AMMECR1: variants seen among roughly 807,000 people sequenced by gnomAD.
AMMECR1 encodes the protein AMMECR nuclear protein 1.
In AMMECR1, 3 loss-of-function variants were observed where a neutral mutation model predicts 22.5. The ratio of observed to expected loss-of-function variants is 0.13; its 90% CI spans 0.06 to 0.35. The LOEUF is 0.35. AMMECR1 is among the 10% of genes least tolerant of loss of function. The probability of loss-of-function intolerance (pLI) is 1.00; values close to 1 mark genes in which losing one functional copy is unlikely to be tolerated. For synonymous variants in AMMECR1, 130 were observed against 116.7 expected, an observed-to-expected ratio of 1.11 and a Z score of -0.74; for missense variants, 235 against 278.7, an observed-to-expected ratio of 0.84 and a Z score of 1.12.
chrX:110,398,691 C>A (rs950624079), intron 2 of AMMECR1, among the ~76,000 whole-genome samples: 2 of 111,775 alleles, frequency 1.8e-5, no homozygotes, highest in Non-Finnish European at 3.8e-5. Flanking sequence ...TATTTGTTTC[C>A]GACTCATTAT....
At position 110,216,553 on chromosome X, in the gene AMMECR1, T is replaced by G. The variant is rs765634990; in HGVS notation, c.664A>C (p.Asn222His). The change falls in exon 3 of 6, where the codon AAC (asparagine) becomes CAC (histidine). Residue 222 changes from asparagine (N) to histidine (H), a missense_variant. Physicochemically the swap from Asn to His is moderately conservative, Grantham distance 68 (BLOSUM62 1). Around this residue, in one of 2 missense-constraint regions of AMMECR1, gnomAD observed 111 missense variants for 181.7 expected, o/e 0.61. Transcript: ENST00000262844. ...RLFCSVSLLTNFEDVCDYLDW... is the reference protein window; with the variant it reads ...RLFCSVSLLTHFEDVCDYLDW... The stretch of plus-strand genomic sequence containing the variant: ...AAATAATCACAGACATCTTCAAAGT[T>G]AGTGAGCAGAGACACTGAGCAGAAA... 1 of 1,208,363 alleles carries G rather than the reference T, an allele frequency of 8.3e-7. No individual in the cohort carries two copies.
chrX:110,350,027 A>T (rs1194390807), intron 2 of AMMECR1, among the ~76,000 whole-genome samples: 2 of 112,402 alleles, frequency 1.8e-5, no homozygotes, highest in Non-Finnish European at 3.8e-5. Flanking sequence ...GCTCAAAGAA[A>T]GCCTGCCATC....
intron 2 of AMMECR1, among the ~76,000 whole-genome samples, chrX:110,338,522 G>A (rs759156699): frequency 1.3e-4 from 15 of 112,052 alleles, no homozygotes; most frequent in East Asian, 8.3e-4. Context: ...ATGATCAGCC[G>A]TTTTTCTAAA....
At chrX:110,423,961 T>C (rs1266932118) in intron 2 of AMMECR1, among the ~76,000 whole-genome samples, 1 of 112,738 alleles carries the variant, frequency 8.9e-6, no homozygotes, top group Non-Finnish European at 1.9e-5. Flanking sequence ...TTGCTAAAGA[T>C]GCACATTCAT....
At chrX:110,265,245 ATTT>A (rs2067761930) in intron 1 of AMMECR1, among the ~76,000 whole-genome samples, 1 of 111,692 alleles carries the variant, frequency 9.0e-6, no homozygotes, top group East Asian at 2.8e-4. Flanking sequence ...AAATGCCATA[ATTT>A]AAGCTATTGA....
At chrX:110,303,897 A>C (rs1375704055) in intron 1 of AMMECR1, among the ~76,000 whole-genome samples, 2 of 112,227 alleles carry the variant, frequency 1.8e-5, no homozygotes, top group Non-Finnish European at 3.8e-5. Context: ...ATTCTAAAAC[A>C]TATTCTGGGA....
At chrX:110,301,770 T>A (rs954305225) in intron 1 of AMMECR1, among the ~76,000 whole-genome samples, 2 of 111,627 alleles carry the variant, frequency 1.8e-5, no homozygotes, top group African/African-American at 6.5e-5. Flanking sequence ...ATCAGAAAAA[T>A]GCACTTATAC....
intron 1 of AMMECR1, among the ~76,000 whole-genome samples, chrX:110,268,655 C>T (rs2067782374): frequency 9.0e-6 from 1 of 111,562 alleles, no homozygotes; most frequent in Non-Finnish European, 1.9e-5. Flanking sequence ...AAATTTTTTT[C>T]TTCACGCAAC....
At chrX:110,341,106 T>C (rs181346371) in intron 2 of AMMECR1, among the ~76,000 whole-genome samples, 1 of 112,876 alleles carries the variant, frequency 8.9e-6, no homozygotes, top group East Asian at 2.7e-4. Context: ...CACTTTGTTT[T>C]AAGTCACTGG....
intron 2 of AMMECR1, among the ~76,000 whole-genome samples, chrX:110,398,903 C>T (rs184081680): frequency 8.9e-5 from 10 of 112,049 alleles, no homozygotes; most frequent in Non-Finnish European, 1.3e-4. Context: ...TTTGGAATTC[C>T]GTGCTGAGAA....
At chrX:110,289,495 C>T (rs192297157) in intron 1 of AMMECR1, among the ~76,000 whole-genome samples, 1 of 112,067 alleles carries the variant, frequency 8.9e-6, no homozygotes, top group Admixed American at 9.4e-5. Flanking sequence ...GCTTAGTTAG[C>T]TAGAAAAGAT....
chrX:110,312,923 C>A lies in AMMECR1; in HGVS notation c.473+4676G>T, dbSNP rs187449925. 3.8e-3 allele frequency among the ~76,000 whole-genome samples: 424 copies of A among 112,568 alleles called. 3 individuals are homozygous for A. Among genetic ancestry groups the A allele is most frequent in the African/African-American group, 0.012 (384 of 31,005 alleles). On this transcript the variant is annotated intron_variant, in intron 1 of 5. Coordinates refer to ENST00000262844, the MANE Select transcript of AMMECR1 (RefSeq NM_015365.3). ...TGTGGATAAGGAAATCTGTCATGGC[C>A]TCATGGCATCATCTGCGATAGACAG...
At chrX:110,210,706 T>A (rs371436314) in intron 3 of AMMECR1, among the ~76,000 whole-genome samples, 1 of 112,355 alleles carries the variant, frequency 8.9e-6, no homozygotes, top group Non-Finnish European at 1.9e-5. Context: ...CACCCTATTA[T>A]TAACTGCAAC....
At chrX:110,401,804 T>A (rs749028984) in intron 2 of AMMECR1, among the ~76,000 whole-genome samples, 1 of 112,033 alleles carries the variant, frequency 8.9e-6, no homozygotes, top group Non-Finnish European at 1.9e-5. Flanking sequence ...TAATAATAGT[T>A]CTCATCTCCT....
chrX:110,223,487 C>A (rs752295105), intron 2 of AMMECR1, among the ~76,000 whole-genome samples: 1 of 111,956 alleles, frequency 8.9e-6, no homozygotes, highest in Admixed American at 9.5e-5. Context: ...GAAAAGATTA[C>A]GATATGACCA....
chrX:110,374,066 GA>G lies in AMMECR1; in HGVS notation c.-148+52591del, dbSNP rs1049164641. Among the ~76,000 whole-genome samples the G allele has an allele frequency of 2.3e-4, 26 of 110,681 alleles. No individual in the cohort carries two copies. The Admixed American group carries it at 2.5e-3, about 11-fold the overall frequency. ...TTCACATTCATCTAATAAAGCTCCA[GA>G]AAAAAAATAGGAAGAGATAATATTC... is the stretch of plus-strand genomic sequence containing the variant. On this transcript the variant is annotated intron_variant, in intron 2 of 7. Transcript: ENST00000372057.
chrX:110,333,644 T>C (rs1475855429), intron 2 of AMMECR1, among the ~76,000 whole-genome samples: 1 of 111,381 alleles, frequency 9.0e-6, no homozygotes, highest in Non-Finnish European at 1.9e-5. Context: ...TATGCAGCCA[T>C]AAAAAAGGAT....
chrX:110,409,051 T>G (rs1331934018), intron 2 of AMMECR1, among the ~76,000 whole-genome samples: 1 of 111,721 alleles, frequency 9.0e-6, no homozygotes, highest in Non-Finnish European at 1.9e-5. Flanking sequence ...GCCAGGACCA[T>G]GTGTTTTGCT....
intron 2 of AMMECR1, among the ~76,000 whole-genome samples, chrX:110,394,097 C>T (rs2068512948): frequency 8.9e-6 from 1 of 112,481 alleles, no homozygotes. Context: ...CAACCGCTGT[C>T]ACTCATTGAT....
Sources: allele counts gnomAD v4.1 joint callset (sites outside exome capture counted in the v4.1 genomes callset), GRCh38; gene constraint gnomAD v4.1.1; regional missense constraint gnomAD v4.1.1; transcripts MANE v1.5; gene names NCBI Gene and HGNC (gene_info 2026-07-23, HGNC 2026-07-21).